The following ZFAND3 variants were observed in gnomAD, a reference collection of about 807,000 sequenced individuals.
ZFAND3 encodes the protein zinc finger AN1-type containing 3, also known as AN1-type zinc finger protein 3.
A neutral mutation model predicts 29.6 loss-of-function variants in ZFAND3; 10 were observed. The ratio of observed to expected loss-of-function variants is 0.34; its 90% confidence interval spans 0.21 to 0.57. ZFAND3 has a LOEUF of 0.57. Ranked by LOEUF, ZFAND3 falls within the 20% of genes least tolerant of loss-of-function variation. The probability of loss-of-function intolerance (pLI) is 0.86; values close to 1 mark genes in which losing one functional copy is unlikely to be tolerated. For synonymous variants in ZFAND3, 128 were observed against 112.6 expected (o/e 1.14, Z -0.87); for missense variants, 230 against 304.5 (o/e 0.76, Z 1.82).
At chr6:37,820,671 C>A (rs377485190) in intron 1 of ZFAND3, among the ~76,000 whole-genome samples, 1 of 152,178 alleles carries the variant, frequency 6.6e-6, no homozygotes, top group Non-Finnish European at 1.5e-5. Flanking sequence ...AAGAAAAAAA[C>A]CACACAAAAC....
intron 2 of ZFAND3, among the ~76,000 whole-genome samples, chr6:37,932,679 T>A (rs1430495950): frequency 6.6e-6 from 1 of 152,170 alleles, no homozygotes; most frequent in African/African-American, 2.4e-5. Context: ...GAATACAAAG[T>A]TAAAAAAATT....
At chr6:38,039,622 A>G (rs115509148) in intron 2 of ZFAND3, among the ~76,000 whole-genome samples, 3,227 of 152,310 alleles carry the variant, frequency 0.021, 74 homozygotes, top group African/African-American at 0.061. Context: ...TAAGACATGC[A>G]GTACAGTACC....
intron 4 of ZFAND3, among the ~76,000 whole-genome samples, chr6:38,111,361 TAAC>T (rs1197643881): frequency 6.6e-6 from 1 of 152,252 alleles, no homozygotes; most frequent in African/African-American, 2.4e-5. Context: ...TAATACAGTA[TAAC>T]AACTATTTAC....
chr6:38,019,395 A>G (rs942487194), intron 2 of ZFAND3, among the ~76,000 whole-genome samples: 1 of 152,044 alleles, frequency 6.6e-6, no homozygotes. Context: ...TTTCTATTAG[A>G]CTTTGGGTCT....
chr6:37,964,702 A>G (rs958467827), intron 2 of ZFAND3, among the ~76,000 whole-genome samples: 6 of 152,262 alleles, frequency 3.9e-5, no homozygotes, highest in Admixed American at 6.5e-5. Flanking sequence ...CAACTGGTCT[A>G]TCATGCATTC....
chr6:38,129,564 G>A (rs1038058201), intron 5 of ZFAND3, among the ~76,000 whole-genome samples: 3 of 152,238 alleles, frequency 2.0e-5, no homozygotes, highest in Admixed American at 6.5e-5. Flanking sequence ...TCCTAGCACC[G>A]TTTGTTGAAA....
intron 2 of ZFAND3, among the ~76,000 whole-genome samples, chr6:37,980,163 CTTT>C (rs5875605): frequency 2.4e-4 from 34 of 141,540 alleles, no homozygotes; most frequent in Non-Finnish European, 3.6e-4. Flanking sequence ...AGGTCACTGT[CTTT>C]TTTTTTTTTT....
At chr6:38,026,095 T>TTTGTCA (rs1763441781) in intron 2 of ZFAND3, among the ~76,000 whole-genome samples, 1 of 152,212 alleles carries the variant, frequency 6.6e-6, no homozygotes, top group African/African-American at 2.4e-5. Flanking sequence ...TTACTTAAAA[T>TTTGTCA]ATAAATTATT....
chr6:38,117,359 A>G (rs2127485298), intron 5 of ZFAND3, among the ~76,000 whole-genome samples: 1 of 151,228 alleles, frequency 6.6e-6, no homozygotes, highest in South Asian at 2.1e-4. Flanking sequence ...CCCAGTCTGA[A>G]ATAGCTTTAC....
At chr6:38,104,027 C>T (rs1562000716) in intron 4 of ZFAND3, among the ~76,000 whole-genome samples, 1 of 152,178 alleles carries the variant, frequency 6.6e-6, no homozygotes. Context: ...GTTGGGCAGG[C>T]AGGAGAGGTC....
intron 4 of ZFAND3, among the ~76,000 whole-genome samples, chr6:38,115,208 A>G (rs1014791360): frequency 6.6e-6 from 1 of 152,216 alleles, no homozygotes; most frequent in African/African-American, 2.4e-5. Context: ...TAAAAGAGAT[A>G]AGATCCCATG....
At chr6:38,128,516 G>A (rs375242003) in intron 5 of ZFAND3, among the ~76,000 whole-genome samples, 1 of 151,938 alleles carries the variant, frequency 6.6e-6, no homozygotes, top group African/African-American at 2.4e-5. Context: ...CTCCAAAGTC[G>A]TTGTGTCATT....
At chr6:37,820,214 C>T (rs1329636056) in intron 1 of ZFAND3, among the ~76,000 whole-genome samples, 198 bp downstream of exon 1, 1 of 150,548 alleles carries the variant, frequency 6.6e-6, no homozygotes, top group Non-Finnish European at 1.5e-5. Context: ...AAGGCCCTGC[C>T]GGGGGTGCGT....
chr6:38,057,851 C>CAGAA (rs1764160392), intron 2 of ZFAND3, among the ~76,000 whole-genome samples: 1 of 152,192 alleles, frequency 6.6e-6, no homozygotes, highest in African/African-American at 2.4e-5. Context: ...GATTCTTTTT[C>CAGAA]AGATTCAAGT....
chr6:38,154,013 C>G lies in ZFAND3; in HGVS notation c.*1624C>G. 1 of 985,540 alleles carries G rather than the reference C, an allele frequency of 1.0e-6. No homozygotes were observed. The allele number at this position is 985,540 out of a possible 1,614,324, so 61.0% of individuals were successfully genotyped here. ...TACTGAAATAGGAAGTCATGCTCTTCCCACCCTCCACCCACCAGAGTGGAA... is the reference window on the plus strand; with the variant it reads ...TACTGAAATAGGAAGTCATGCTCTTGCCACCCTCCACCCACCAGAGTGGAA... On this transcript the variant is annotated 3_prime_UTR_variant, in exon 6 of 6. Transcript: ENST00000287218.
At chr6:37,844,741 G>A (rs1199528580) in intron 1 of ZFAND3, among the ~76,000 whole-genome samples, 2 of 151,732 alleles carry the variant, frequency 1.3e-5, no homozygotes, top group African/African-American at 2.4e-5. Flanking sequence ...TCGGCTGGGC[G>A]CGGTGGCTTA....
intron 1 of ZFAND3, among the ~76,000 whole-genome samples, chr6:37,919,663 T>C (rs1761335750): frequency 1.3e-5 from 2 of 152,210 alleles, no homozygotes; most frequent in Admixed American, 1.3e-4. Context: ...TTTATGATCT[T>C]CCTCACATTT....
At chr6:38,042,746 A>G (rs544664274) in intron 2 of ZFAND3, among the ~76,000 whole-genome samples, 73 of 152,350 alleles carry the variant, frequency 4.8e-4, no homozygotes, top group African/African-American at 1.6e-3. Flanking sequence ...ATAGTTCACA[A>G]CTATCTGAAT....
At chr6:37,868,910 A>G (rs1764639728) in intron 1 of ZFAND3, among the ~76,000 whole-genome samples, 1 of 152,168 alleles carries the variant, frequency 6.6e-6, no homozygotes, top group African/African-American at 2.4e-5. Context: ...GATGTTAGTT[A>G]TTCCTTAAAT....
Sources: allele counts gnomAD v4.1 joint callset (sites outside exome capture counted in the v4.1 genomes callset), GRCh38; gene constraint gnomAD v4.1.1; transcripts MANE v1.5; gene names NCBI Gene and HGNC (gene_info 2026-07-23, HGNC 2026-07-21).